The following RBFOX1 variants were observed in gnomAD, a reference collection of about 807,000 sequenced individuals.
RBFOX1 encodes RNA binding protein fox-1 homolog 1.
In RBFOX1, 8 loss-of-function variants were observed where a neutral mutation model predicts 57.7. The ratio of observed to expected loss-of-function variants is 0.14; its 90% CI spans 0.08 to 0.25. RBFOX1 has a LOEUF of 0.25. Ranked by LOEUF, RBFOX1 falls within the 10% of genes least tolerant of loss-of-function variation. RBFOX1 has a pLI of 1.00. For synonymous variants in RBFOX1, 326 were observed against 222.4 expected, an observed-to-expected ratio of 1.47 and a Z score of -4.15; for missense variants, 611 against 548.5, an observed-to-expected ratio of 1.11 and a Z score of -1.14.
At chr16:6,713,072 C>G (rs1811222210) in intron 3 of RBFOX1, among the ~76,000 whole-genome samples, 1 of 151,894 alleles carries the variant, frequency 6.6e-6, no homozygotes, top group South Asian at 2.1e-4. Flanking sequence ...CATGTGAAAC[C>G]ATGAGTCTAT....
intron 3 of RBFOX1, among the ~76,000 whole-genome samples, chr16:5,666,724 T>C (rs530190694): frequency 6.6e-6 from 1 of 152,316 alleles, no homozygotes; most frequent in African/African-American, 2.4e-5. Context: ...ATCTGTTTTT[T>C]CTAGGTAGGG....
At chr16:6,692,390 C>G (rs1047827777) in intron 3 of RBFOX1, among the ~76,000 whole-genome samples, 2 of 152,114 alleles carry the variant, frequency 1.3e-5, no homozygotes, top group Non-Finnish European at 2.9e-5. Flanking sequence ...CCTGGTATCT[C>G]TCCCTAGAGT....
At position 6,866,541 on chromosome 16, in the gene RBFOX1, A is replaced by ATTTTTTTTTTTTTTTTTTT. The variant is rs56678526; in HGVS notation, c.-15-185498_-15-185497insTTTTTTTTTTTTTTTTTTT. Among the ~76,000 whole-genome samples, 74 of 78,872 alleles carry ATTTTTTTTTTTTTTTTTTT rather than the reference A, an allele frequency of 9.4e-4. 9 individuals carry two copies. Among genetic ancestry groups the ATTTTTTTTTTTTTTTTTTT allele is most frequent in the African/African-American group, 1.0e-3 (18 of 17,830 alleles). 51.7% of individuals were successfully genotyped at this position (78,872 alleles called of 152,430 possible). A position where few individuals can be genotyped will look rare whatever the true frequency, so the allele number is the denominator to read the frequency against. ...TAAGGTTAGGGCTTTCTTTCCTTCT[A>ATTTTTTTTTTTTTTTTTTT]TTTTTTTTTTTTTTTTTTGAGTTGG... On this transcript the variant is annotated intron_variant, in intron 3 of 15. Transcript: ENST00000550418.
chr16:7,237,955 C>A (rs149740048), intron 4 of RBFOX1, among the ~76,000 whole-genome samples: 1 of 152,162 alleles, frequency 6.6e-6, no homozygotes, highest in Non-Finnish European at 1.5e-5. Flanking sequence ...AGTGAGCCCA[C>A]GTCGCGTCCC....
intron 2 of RBFOX1, among the ~76,000 whole-genome samples, chr16:5,569,477 T>TTTTTTTC (rs1555467702): frequency 1.4e-5 from 2 of 143,194 alleles, no homozygotes; most frequent in African/African-American, 2.6e-5. Flanking sequence ...TCTTCTTCTT[T>TTTTTTTC]TTGGAGTACT....
At chr16:6,900,668 A>C (rs1180408878) in intron 3 of RBFOX1, among the ~76,000 whole-genome samples, 1 of 152,144 alleles carries the variant, frequency 6.6e-6, no homozygotes, top group Non-Finnish European at 1.5e-5. Flanking sequence ...CGTCCCACCA[A>C]CATCACTATT....
chr16:7,096,603 G>A (rs184548119), intron 4 of RBFOX1, among the ~76,000 whole-genome samples: 4 of 152,190 alleles, frequency 2.6e-5, no homozygotes, highest in African/African-American at 9.6e-5. Flanking sequence ...TAAAATATTT[G>A]CTGTTTGGAT....
At chr16:5,661,080 G>A (rs2159302) in intron 3 of RBFOX1, among the ~76,000 whole-genome samples, 145,183 of 152,258 alleles carry the variant, frequency 0.95, 69,281 homozygotes, top group East Asian at 1. Context: ...CAGCCTGGCC[G>A]TCTTCCTCCT....
intron 1 of RBFOX1, among the ~76,000 whole-genome samples, chr16:6,308,786 C>T (rs966313155): frequency 6.6e-6 from 1 of 152,144 alleles, no homozygotes; most frequent in African/African-American, 2.4e-5. Context: ...CTGTCTGGAA[C>T]AGCAGGTGCC....
At chr16:5,331,806 G>C (rs987661856) in intron 1 of RBFOX1, among the ~76,000 whole-genome samples, 2 of 152,250 alleles carry the variant, frequency 1.3e-5, no homozygotes, top group Non-Finnish European at 2.9e-5. Context: ...AGAGCTACCT[G>C]GTGGGAGGGG....
chr16:5,327,893 G>A (rs76907107), intron 1 of RBFOX1, among the ~76,000 whole-genome samples: 322 of 152,332 alleles, frequency 2.1e-3, no homozygotes, highest in Non-Finnish European at 3.9e-3. Flanking sequence ...GGGATGGGAA[G>A]TAAGGCTTAA....
chr16:5,944,713 G>A (rs1485552415), intron 4 of RBFOX1, among the ~76,000 whole-genome samples: 2 of 148,194 alleles, frequency 1.3e-5, no homozygotes, highest in Non-Finnish European at 3.0e-5. Flanking sequence ...CCAGCACTTT[G>A]AGAGGCCAAG....
At position 6,782,564 on chromosome 16, in the gene RBFOX1, A is replaced by C. The variant is rs868690837; in HGVS notation, c.-16+127914A>C. 5.3e-5 allele frequency among the ~76,000 whole-genome samples: 8 copies of C among 152,054 alleles called. No homozygotes were observed. In the Middle Eastern group the frequency reaches 0.01, roughly 194 times the overall value. On this transcript the variant is annotated intron_variant, in intron 3 of 15. Transcript: ENST00000550418. The stretch of plus-strand genomic sequence containing the variant: ...GTCCAATAAATGCTTATTGATTTCT[A>C]GTTTCATTCCATTGTGGTCAGAAAA...
intron 3 of RBFOX1, among the ~76,000 whole-genome samples, chr16:6,753,156 AT>A (rs1230213398): frequency 6.6e-6 from 1 of 152,136 alleles, no homozygotes; most frequent in African/African-American, 2.4e-5. Flanking sequence ...GATGTGTGAA[AT>A]TTACTTTGAA....
At chr16:6,446,033 T>C (rs2094478623) in intron 2 of RBFOX1, among the ~76,000 whole-genome samples, 1 of 152,178 alleles carries the variant, frequency 6.6e-6, no homozygotes, top group Admixed American at 6.5e-5. Flanking sequence ...GGCGTGATTA[T>C]AGCTCACTTC....
At chr16:5,750,062 G>A (rs1392071630) in intron 3 of RBFOX1, among the ~76,000 whole-genome samples, 1 of 152,122 alleles carries the variant, frequency 6.6e-6, no homozygotes, top group Non-Finnish European at 1.5e-5. Flanking sequence ...TGTCCTTTCT[G>A]TTTGTTAGTT....
intron 2 of RBFOX1, among the ~76,000 whole-genome samples, chr16:6,579,250 C>G (rs1306508772): frequency 2.6e-5 from 4 of 152,058 alleles, no homozygotes; most frequent in African/African-American, 4.8e-5. Context: ...GTTACCCAGG[C>G]TGGAGTGTAG....
intron 3 of RBFOX1, among the ~76,000 whole-genome samples, chr16:6,861,132 C>G (rs913265968): frequency 1.2e-4 from 19 of 152,064 alleles, no homozygotes; most frequent in African/African-American, 4.8e-5. Flanking sequence ...ACGGCATTTG[C>G]TCCAGCATCT....
intron 1 of RBFOX1, among the ~76,000 whole-genome samples, chr16:6,207,247 G>A (rs190947437): frequency 2.6e-4 from 39 of 152,224 alleles, no homozygotes; most frequent in Admixed American, 1.8e-3. Context: ...TCCTTGTTCA[G>A]TGAAGCATTT....
Sources: allele counts gnomAD v4.1 joint callset (sites outside exome capture counted in the v4.1 genomes callset), GRCh38; gene constraint gnomAD v4.1.1; transcripts MANE v1.5; gene names NCBI Gene and HGNC (gene_info 2026-07-23, HGNC 2026-07-21).